TMEM131L: variants seen among roughly 807,000 people sequenced by gnomAD.
TMEM131L encodes transmembrane protein 131-like.
In TMEM131L, 54 loss-of-function variants were observed where a neutral mutation model predicts 192.2. The observed-to-expected ratio is 0.28, with a 90% confidence interval of 0.23 to 0.35. The LOEUF (loss-of-function observed/expected upper bound fraction) is 0.35, where lower values mean the gene tolerates loss of function less well. Among genes scored for constraint, TMEM131L ranks in the 10% least tolerant of loss-of-function variants. TMEM131L has a pLI of 1.00. For missense variants in TMEM131L, 1,888 were observed against 1,972.9 expected (o/e 0.96, Z 0.82); for synonymous variants, 701 against 704.9 (o/e 0.99, Z 0.09).
chr4:153,520,408 G>C (rs1339062423), intron 3 of TMEM131L, among the ~76,000 whole-genome samples: 1 of 152,202 alleles, frequency 6.6e-6, no homozygotes, highest in Non-Finnish European at 1.5e-5. Context: ...GGTCAAGGCT[G>C]CAGTGAGACA....
chr4:153,517,826 G>C (rs1450154999), intron 3 of TMEM131L, among the ~76,000 whole-genome samples: 2 of 152,128 alleles, frequency 1.3e-5, no homozygotes, highest in East Asian at 3.8e-4. Flanking sequence ...TGATTTTCTG[G>C]ATAACCCAAT....
chr4:153,604,091 C>A lies in TMEM131L; in HGVS notation c.3079C>A (p.Arg1027Ser). The change falls in exon 25 of 35, where the codon CGT (arginine) becomes AGT (serine). Residue 1027 changes from arginine (R) to serine (S), a missense_variant. Physicochemically the swap from Arg to Ser is moderately radical, Grantham distance 110. Coordinates refer to ENST00000409959, the MANE Select transcript of TMEM131L (RefSeq NM_001131007.2). ...AKEDICTDAM[R>S]ENWISLRYAS... is the part of the protein sequence containing the mutation. ...AGAGGACATTTGCACTGATGCCATG[C>A]GTGAGAACTGGATCAGCCTCAGATA... The A allele has an allele frequency of 6.2e-7, 1 of 1,614,174 alleles. No individual in the cohort carries two copies. The highest frequency in any genetic ancestry group is 2.2e-5 in the East Asian group (1 of 44,880).
At chr4:153,618,198 A>C (rs1029844689) in intron 26 of TMEM131L, among the ~76,000 whole-genome samples, 1 of 152,112 alleles carries the variant, frequency 6.6e-6, no homozygotes, top group Non-Finnish European at 1.5e-5. Context: ...CATCACCTCT[A>C]TCAGAGAGAT....
intron 3 of TMEM131L, among the ~76,000 whole-genome samples, chr4:153,487,107 C>T (rs1486010509): frequency 6.6e-6 from 1 of 152,194 alleles, no homozygotes; most frequent in Non-Finnish European, 1.5e-5. Context: ...TTAACAAGCC[C>T]TCCAGGTGGC....
chr4:153,560,835 A>G (rs75670523), intron 7 of TMEM131L, among the ~76,000 whole-genome samples: 2,670 of 152,302 alleles, frequency 0.018, 96 homozygotes, highest in African/African-American at 0.061. Flanking sequence ...GGCTATTATG[A>G]ATGACATTCT....
At chr4:153,565,639 G>T (rs1729139052) in intron 7 of TMEM131L, among the ~76,000 whole-genome samples, 1 of 152,146 alleles carries the variant, frequency 6.6e-6, no homozygotes, top group African/African-American at 2.4e-5. Flanking sequence ...ATCCAGAAAA[G>T]ATAAATGCAA....
At chr4:153,599,010 A>C (rs1044176772) in intron 21 of TMEM131L, among the ~76,000 whole-genome samples, 3 of 151,986 alleles carry the variant, frequency 2.0e-5, no homozygotes, top group African/African-American at 7.2e-5. Flanking sequence ...GTCTGTTCTC[A>C]TATTGCTGTA....
chr4:153,608,432 T>C (rs921228648), intron 25 of TMEM131L, among the ~76,000 whole-genome samples: 3 of 152,222 alleles, frequency 2.0e-5, no homozygotes, highest in African/African-American at 7.2e-5. Context: ...TAAATGTTTG[T>C]AACCATTTTC....
intron 19 of TMEM131L, among the ~76,000 whole-genome samples, chr4:153,595,320 C>T (rs548521534): frequency 6.6e-6 from 1 of 152,210 alleles, no homozygotes; most frequent in African/African-American, 2.4e-5. Flanking sequence ...CATATAAGAA[C>T]CATTTAATAG....
At chr4:153,595,909 G>C (rs1224878675) in intron 19 of TMEM131L, among the ~76,000 whole-genome samples, 1 of 152,210 alleles carries the variant, frequency 6.6e-6, no homozygotes, top group Non-Finnish European at 1.5e-5. Context: ...GATTGCTCTA[G>C]CATTCAAGCA....
chr4:153,585,682 T>A (rs1730655832), intron 13 of TMEM131L, 71 bp downstream of exon 13: 1 of 1,011,434 alleles, frequency 9.9e-7, no homozygotes, highest in Non-Finnish European at 1.4e-6. Context: ...GCTGTGAAAT[T>A]ATTTCTATAA....
intron 3 of TMEM131L, among the ~76,000 whole-genome samples, chr4:153,533,022 G>A (rs956446761): frequency 8.3e-6 from 1 of 120,440 alleles, no homozygotes; most frequent in Non-Finnish European, 1.7e-5. Context: ...TTTCGTTCTT[G>A]TTGCCCAGGC....
At chr4:153,496,394 A>G (rs1410776965) in intron 3 of TMEM131L, among the ~76,000 whole-genome samples, 2 of 151,716 alleles carry the variant, frequency 1.3e-5, no homozygotes, top group African/African-American at 4.8e-5. Context: ...TTCCAGGACC[A>G]CCCCCCTCAT....
At chr4:153,610,763 C>G (rs1732555888) in intron 25 of TMEM131L, among the ~76,000 whole-genome samples, 1 of 152,100 alleles carries the variant, frequency 6.6e-6, no homozygotes, top group African/African-American at 2.4e-5. Context: ...GGTGAGAGAC[C>G]TGCCCTGCCT....
intron 3 of TMEM131L, among the ~76,000 whole-genome samples, chr4:153,533,398 C>T (rs1481456739): frequency 6.6e-6 from 1 of 152,182 alleles, no homozygotes; most frequent in Non-Finnish European, 1.5e-5. Context: ...GGGGAGGCTG[C>T]CAATCAGGTG....
Position 153,567,360 on chromosome 4 carries a change from G to A in TMEM131L, c.660+8992G>A, listed in dbSNP as rs138608830. The stretch of plus-strand genomic sequence containing the variant: ...CTACAAATACCTGTGTAAACATAAT[G>A]TATTTAGTAACATTTTGTTGTAGTT... On this transcript the variant is annotated intron_variant, in intron 7 of 34. Coordinates refer to ENST00000409959, the MANE Select transcript of TMEM131L (RefSeq NM_001131007.2). 2.8e-3 allele frequency among the ~76,000 whole-genome samples: 431 copies of A among 152,280 alleles called. 2 individuals are homozygous for A. The highest frequency in any genetic ancestry group is 9.8e-3 in the African/African-American group (409 of 41,550).
intron 3 of TMEM131L, among the ~76,000 whole-genome samples, chr4:153,497,346 T>A (rs938612194): frequency 6.6e-6 from 1 of 152,022 alleles, no homozygotes; most frequent in Non-Finnish European, 1.5e-5. Context: ...GGACTTTGGG[T>A]CATATGAGTC....
At chr4:153,576,955 G>A (rs1339382244) in intron 7 of TMEM131L, among the ~76,000 whole-genome samples, 2 of 152,136 alleles carry the variant, frequency 1.3e-5, no homozygotes, top group Non-Finnish European at 2.9e-5. Context: ...TTGTGCATTC[G>A]AAGCACGAGA....
chr4:153,622,433 T>A (rs1257785431), intron 28 of TMEM131L, among the ~76,000 whole-genome samples: 1 of 152,214 alleles, frequency 6.6e-6, no homozygotes, highest in African/African-American at 2.4e-5. Context: ...CTGGTTTCTA[T>A]CTCCACCCTC....
Sources: allele counts gnomAD v4.1 joint callset (sites outside exome capture counted in the v4.1 genomes callset), GRCh38; gene constraint gnomAD v4.1.1; transcripts MANE v1.5; gene names NCBI Gene and HGNC (gene_info 2026-07-23, HGNC 2026-07-21).